Variants in DLG2 observed in about 807,000 individuals in gnomAD.
DLG2 encodes disks large homolog 2.
In DLG2, 45 loss-of-function variants were observed where a neutral mutation model predicts 132.5. The observed-to-expected ratio is 0.34, with a 90% CI of 0.27 to 0.44. DLG2 has a LOEUF of 0.44. DLG2 is among the 20% of genes least tolerant of loss of function. The pLI, the probability that DLG2 is intolerant of heterozygous loss-of-function variation, is 1.00. For synonymous variants in DLG2, 424 were observed against 419.6 expected, an observed-to-expected ratio of 1.01 and a Z score of -0.13; for missense variants, 1,045 against 1,196.9, an observed-to-expected ratio of 0.87 and a Z score of 1.87.
intron 19 of DLG2, among the ~76,000 whole-genome samples, chr11:83,626,314 G>T (rs1195019902): frequency 6.6e-6 from 1 of 152,100 alleles, no homozygotes; most frequent in Non-Finnish European, 1.5e-5. Flanking sequence ...CCATTTCTAT[G>T]GTCTGCATAC....
intron 19 of DLG2, among the ~76,000 whole-genome samples, chr11:83,561,213 TG>T (rs1292456815): frequency 6.6e-6 from 1 of 152,082 alleles, no homozygotes; most frequent in African/African-American, 2.4e-5. Context: ...CCTCCAACAT[TG>T]GGGGTTCCAA....
chr11:84,941,303 T>C (rs1328526438), intron 6 of DLG2, among the ~76,000 whole-genome samples: 2 of 152,232 alleles, frequency 1.3e-5, no homozygotes, highest in Non-Finnish European at 1.5e-5. Flanking sequence ...ACTGAATGTG[T>C]AGATTGCTTT....
chr11:84,655,428 G>A (rs2099686981), intron 6 of DLG2, among the ~76,000 whole-genome samples: 3 of 152,122 alleles, frequency 2.0e-5, no homozygotes, highest in African/African-American at 7.2e-5. Context: ...AGAGTTAAAT[G>A]TTTCTCTTAT....
At chr11:85,166,508 C>A (rs1225856211) in intron 4 of DLG2, among the ~76,000 whole-genome samples, 1 of 152,090 alleles carries the variant, frequency 6.6e-6, no homozygotes, top group Admixed American at 6.6e-5. Flanking sequence ...CTCCTCCACA[C>A]AGCCTGTGCT....
In DLG2 at chr11:85,134,016, AAGGGAGAATG is replaced by A. The variant is rs537962109; in HGVS notation, c.282+20530_282+20539del. Among the ~76,000 whole-genome samples, 267 of 151,740 alleles carry A rather than the reference AAGGGAGAATG, an allele frequency of 1.8e-3. 1 individual carries two copies. Among genetic ancestry groups the A allele is most frequent in the Middle Eastern group, 0.01 (3 of 294 alleles). ...GCTCAGAAAGGAGAGAGGGGGTGGGAAGGGAGAATGAGGGAGAGTGAGGGAGAGTGAGGGA... is the reference window on the plus strand; with the variant it reads ...GCTCAGAAAGGAGAGAGGGGGTGGGAAGGGAGAGTGAGGGAGAGTGAGGGA... On this transcript the variant is annotated intron_variant, in intron 5 of 27. Transcript: ENST00000376104.
At position 84,788,222 on chromosome 11, in the gene DLG2, C is replaced by G. The variant is rs192586371; in HGVS notation, c.358-253491G>C. Among the ~76,000 whole-genome samples the G allele has an allele frequency of 5.2e-4, 78 of 151,366 alleles. 1 individual carries two copies. The highest frequency in any genetic ancestry group is 1.8e-3 in the African/African-American group (76 of 41,256). ...ACAAAAATAGTAAAACAAAATCAGT[C>G]ACAAATAATGGGGGTCTTTCCCCAT... is the stretch of plus-strand genomic sequence containing the variant. On this transcript the variant is annotated intron_variant, in intron 6 of 27. Transcript: ENST00000376104.
At chr11:84,134,542 A>G (rs184184192) in intron 9 of DLG2, among the ~76,000 whole-genome samples, 49 of 152,186 alleles carry the variant, frequency 3.2e-4, no homozygotes, top group Non-Finnish European at 5.6e-4. Context: ...GCACACACAC[A>G]GTGTCTTCTA....
At chr11:84,441,963 T>C (rs1422645681) in intron 7 of DLG2, among the ~76,000 whole-genome samples, 8 of 152,174 alleles carry the variant, frequency 5.3e-5, no homozygotes, top group Non-Finnish European at 2.9e-5. Flanking sequence ...CTGTGTTCTG[T>C]CCCATTGGTC....
At chr11:84,123,551 C>T (rs564811499) in intron 9 of DLG2, among the ~76,000 whole-genome samples, 23 of 152,260 alleles carry the variant, frequency 1.5e-4, no homozygotes, top group Non-Finnish European at 2.9e-4. Flanking sequence ...TATCTAAGCT[C>T]CTCTGCTCCG....
At chr11:84,200,714 G>A (rs1283274890) in intron 8 of DLG2, among the ~76,000 whole-genome samples, 1 of 152,052 alleles carries the variant, frequency 6.6e-6, no homozygotes, top group Non-Finnish European at 1.5e-5. Flanking sequence ...TAGCAATTCT[G>A]AATGGGAGTT....
At chr11:85,482,166 C>G (rs2093312143) in intron 3 of DLG2, among the ~76,000 whole-genome samples, 1 of 151,994 alleles carries the variant, frequency 6.6e-6, no homozygotes, top group Admixed American at 6.5e-5. Flanking sequence ...GCCCACTTGA[C>G]CATCAGGCCA....
intron 3 of DLG2, among the ~76,000 whole-genome samples, chr11:85,288,547 A>T (rs1030971703): frequency 1.3e-5 from 2 of 152,114 alleles, no homozygotes; most frequent in Non-Finnish European, 2.9e-5. Flanking sequence ...CTGTGGTCCC[A>T]GCTACTGAGG....
intron 6 of DLG2, among the ~76,000 whole-genome samples, chr11:84,859,420 A>ATG (rs2083299574): frequency 6.9e-6 from 1 of 144,674 alleles, no homozygotes; most frequent in African/African-American, 2.6e-5. Flanking sequence ...ATATATGTAT[A>ATG]CATATACATA....
chr11:83,788,960 T>C (rs1207731578), intron 17 of DLG2, among the ~76,000 whole-genome samples: 1 of 152,216 alleles, frequency 6.6e-6, no homozygotes, highest in Admixed American at 6.5e-5. Context: ...AATTTCTAAA[T>C]TGGTGGTAAA....
At chr11:85,509,844 A>G (rs1379563937) in intron 3 of DLG2, 2 of 152,044 alleles carry the variant, frequency 1.3e-5, no homozygotes, top group Admixed American at 6.6e-5. Context: ...CTATGAATGC[A>G]TATAACTGGA....
chr11:84,168,014 G>A (rs947820748), intron 8 of DLG2, among the ~76,000 whole-genome samples: 6 of 152,180 alleles, frequency 3.9e-5, no homozygotes, highest in Non-Finnish European at 8.8e-5. Context: ...TTATAAAAGT[G>A]CTGAAACAAG....
At chr11:85,343,695 C>T (rs1168027882) in intron 3 of DLG2, among the ~76,000 whole-genome samples, 1 of 151,902 alleles carries the variant, frequency 6.6e-6, no homozygotes, top group East Asian at 1.9e-4. Context: ...CACACTAGAA[C>T]ATATCATTTG....
At chr11:83,471,827 A>C (rs1591402450) in intron 23 of DLG2, 100 bp from the exon 24 acceptor site, 1 of 893,104 alleles carries the variant, frequency 1.1e-6, no homozygotes, top group African/African-American at 1.7e-5. Context: ...ACAGTAAGAG[A>C]TGCTAAGGGC....
intron 3 of DLG2, among the ~76,000 whole-genome samples, chr11:85,390,109 C>G (rs2086670783): frequency 1.3e-5 from 2 of 151,982 alleles, no homozygotes; most frequent in Non-Finnish European, 2.9e-5. Flanking sequence ...CTTCAAGAAA[C>G]TCACCTGACA....
Sources: gnomAD v4.1 joint callset for allele counts (sites outside exome capture counted in the v4.1 genomes callset) on GRCh38, gnomAD v4.1.1 for gene constraint, MANE v1.5 for transcripts, NCBI Gene and HGNC (gene_info 2026-07-23, HGNC 2026-07-21) for gene names.